Variants in SDK2 observed in about 807,000 individuals in gnomAD.
SDK2 encodes sidekick cell adhesion molecule 2, also known as protein sidekick-2.
A neutral mutation model predicts 253.9 loss-of-function variants in SDK2; 105 were observed. That is an observed-to-expected ratio of 0.41 (90% confidence interval 0.35 to 0.49). The LOEUF is 0.49. Ranked by LOEUF, SDK2 falls within the 20% of genes least tolerant of loss-of-function variation. SDK2 has a pLI of 0.06. For missense variants in SDK2, 2,608 were observed against 3,003.0 expected (o/e 0.87, Z 3.07); for synonymous variants, 1,249 against 1,234.9 (o/e 1.01, Z -0.24).
At chr17:73,533,500 G>T (rs1456441406) in intron 1 of SDK2, among the ~76,000 whole-genome samples, 1 of 152,220 alleles carries the variant, frequency 6.6e-6, no homozygotes, top group African/African-American at 2.4e-5. Context: ...AGGCCCTGAG[G>T]CCCTCTAGGG....
intron 1 of SDK2, among the ~76,000 whole-genome samples, chr17:73,585,665 C>T (rs539284921): frequency 6.6e-6 from 1 of 152,170 alleles, no homozygotes; most frequent in African/African-American, 2.4e-5. Context: ...TGACTACCCC[C>T]TACACTCAGA....
Position 73,431,539 on chromosome 17 carries a change from C to G in SDK2, c.1443G>C (p.Arg481=). 1 of 1,613,838 alleles carries G rather than the reference C, an allele frequency of 6.2e-7. No individual in the cohort carries two copies. The part of the protein sequence containing the change: ...GTYTCLATNS[R]GVDEASADLV... ...GGTCTGCTGAGGCCTCATCGACCCC[C>G]CGAGAGTTGGTGGCCAGGCAGGTGT... The change falls in exon 11 of 45, where the codon CGG becomes CGC. Residue 481 remains arginine, a synonymous_variant. Transcript: ENST00000392650. This position sits in a 1 kb window ranked among gnomAD's most constrained non-coding sequence, Gnocchi z 5.6.
At chr17:73,407,083 A>G (rs1599534333) in intron 18 of SDK2, among the ~76,000 whole-genome samples, 1 of 152,330 alleles carries the variant, frequency 6.6e-6, no homozygotes, top group East Asian at 1.9e-4. Flanking sequence ...TATCTATAGT[A>G]TCTTAAAAAA....
intron 32 of SDK2, among the ~76,000 whole-genome samples, chr17:73,385,452 G>T (rs1161278601): frequency 6.6e-6 from 1 of 152,150 alleles, no homozygotes; most frequent in Non-Finnish European, 1.5e-5. Context: ...GACTCTGGGG[G>T]CCCTGAGAGC....
chr17:73,379,494 A>T lies in SDK2; in HGVS notation c.4818T>A (p.Gly1606=). Residue 1606 remains glycine (G), a synonymous_variant, in exon 35 of 45, where the codon GGT becomes GGA. Coordinates refer to ENST00000392650, the MANE Select transcript of SDK2 (RefSeq NM_001144952.2). The surrounding 1 kb of genome is among the most constrained non-coding windows in gnomAD (Gnocchi z 4.5). ...CCTGCGGGGGGCTGGAGGGCCCCTCACCCACAGCGTTGTACACGCTCATCC... is the reference window on the plus strand; with the variant it reads ...CCTGCGGGGGGCTGGAGGGCCCCTCTCCCACAGCGTTGTACACGCTCATCC... ...EIRMSVYNAV[G]EGPSSPPQEV... is the part of the protein sequence containing the mutation. 1 of 1,610,442 alleles carries T rather than the reference A, an allele frequency of 6.2e-7. No individual in the cohort carries two copies. Among genetic ancestry groups the T allele is most frequent in the Non-Finnish European group, 8.5e-7 (1 of 1,178,824 alleles).
chr17:73,418,010 GTTTTTT>G (rs397689294), intron 16 of SDK2, among the ~76,000 whole-genome samples: 20 of 128,258 alleles, frequency 1.6e-4, no homozygotes, highest in Admixed American at 4.5e-4. Flanking sequence ...TCCTAGATGA[GTTTTTT>G]TTTTTTTTTT....
chr17:73,455,771 G>T lies in SDK2; in HGVS notation c.479+135C>A. ...AAGCCCCTGGGAGGTCCCCTACCTGGCTGTGTCCCACAGGAGCTGAAAGGG... is the reference window on the plus strand; with the variant it reads ...AAGCCCCTGGGAGGTCCCCTACCTGTCTGTGTCCCACAGGAGCTGAAAGGG... On this transcript the variant is annotated intron_variant, in intron 4 of 44. Coordinates refer to ENST00000392650, the MANE Select transcript of SDK2 (RefSeq NM_001144952.2). The surrounding 1 kb of genome is among the most constrained non-coding windows in gnomAD (Gnocchi z 5.0). The T allele has an allele frequency of 3.0e-6, 3 of 996,240 alleles. No homozygotes were observed. The highest frequency in any genetic ancestry group is 1.8e-5 in the South Asian group (1 of 54,130). The allele number at this position is 996,240 out of a possible 1,614,324, so 61.7% of individuals were successfully genotyped here.
At chr17:73,604,297 C>T (rs932361232) in intron 1 of SDK2, among the ~76,000 whole-genome samples, 1 of 152,224 alleles carries the variant, frequency 6.6e-6, no homozygotes, top group African/African-American at 2.4e-5. Context: ...CAGAGAGGAA[C>T]GCCCAGTCAG....
At chr17:73,463,086 G>A (rs564601873) in intron 3 of SDK2, among the ~76,000 whole-genome samples, 57 of 152,278 alleles carry the variant, frequency 3.7e-4, no homozygotes, top group African/African-American at 1.3e-3. Context: ...TGATAACGGA[G>A]ACTGAGGCCC....
chr17:73,392,272 CTT>C (rs35908922), intron 27 of SDK2, among the ~76,000 whole-genome samples: 104 of 140,950 alleles, frequency 7.4e-4, no homozygotes, highest in African/African-American at 1.6e-3. Flanking sequence ...GATTTCCAAA[CTT>C]TTTTTTTTTT....
At chr17:73,357,329 A>G (rs2062600247) in intron 40 of SDK2, 1 of 152,790 alleles carries the variant, frequency 6.5e-6, no homozygotes, top group African/African-American at 2.4e-5. Context: ...GCGTCCCATT[A>G]TGATTGTTAT....
intron 25 of SDK2, among the ~76,000 whole-genome samples, chr17:73,394,607 G>A (rs1468558977): frequency 6.6e-6 from 1 of 152,222 alleles, no homozygotes; most frequent in East Asian, 1.9e-4. Flanking sequence ...GCACAGCAGA[G>A]AGGGCTGGCA....
intron 1 of SDK2, among the ~76,000 whole-genome samples, chr17:73,567,403 G>A (rs754190036): frequency 9.2e-5 from 14 of 151,946 alleles, no homozygotes; most frequent in South Asian, 2.1e-4. Context: ...GCCACGGGGC[G>A]GAGCCCCCAC....
chr17:73,578,653 G>A (rs541838706), intron 1 of SDK2, among the ~76,000 whole-genome samples: 58 of 152,240 alleles, frequency 3.8e-4, no homozygotes, highest in African/African-American at 1.4e-3. Flanking sequence ...TGAAGGTCCC[G>A]GAGCCCTTGG....
Position 73,361,961 on chromosome 17 carries a change from C to T in SDK2, c.5306-116G>A. The T allele has an allele frequency of 5.1e-6, 5 of 974,850 alleles. No homozygotes were observed. The highest frequency in any genetic ancestry group is 5.9e-6 in the Non-Finnish European group (4 of 676,908). 60.4% of individuals were successfully genotyped at this position (974,850 alleles called of 1,614,324 possible). A position where few individuals can be genotyped will look rare whatever the true frequency, so the allele number is the denominator to read the frequency against. ...CCCGGGACCCTGGGTAGGGGCCTCACTCCTTGAGGTCAGGCTGAAATGCAC... is the reference window on the plus strand; with the variant it reads ...CCCGGGACCCTGGGTAGGGGCCTCATTCCTTGAGGTCAGGCTGAAATGCAC... On this transcript the variant is annotated intron_variant, in intron 38 of 44. Transcript: ENST00000392650. This position sits in a 1 kb window ranked among gnomAD's most constrained non-coding sequence, Gnocchi z 4.1.
At chr17:73,370,641 C>T (rs945279938) in intron 36 of SDK2, among the ~76,000 whole-genome samples, 3 of 152,042 alleles carry the variant, frequency 2.0e-5, no homozygotes, top group Non-Finnish European at 4.4e-5. Context: ...TCACTGTAAC[C>T]TTGACCTCCA....
intron 2 of SDK2, among the ~76,000 whole-genome samples, chr17:73,476,732 C>T (rs2063688705): frequency 6.6e-6 from 1 of 152,214 alleles, no homozygotes; most frequent in African/African-American, 2.4e-5. Flanking sequence ...ATCCTCCTGC[C>T]TCAACCTTCC....
At chr17:73,584,213 C>A (rs1339801433) in intron 1 of SDK2, among the ~76,000 whole-genome samples, 1 of 152,318 alleles carries the variant, frequency 6.6e-6, no homozygotes, top group Middle Eastern at 3.4e-3. Flanking sequence ...CGGGACCTCG[C>A]CTGCTCTGCA....
At chr17:73,397,893 T>G in intron 24 of SDK2, 142 bp downstream of exon 24, 1 of 960,766 alleles carries the variant, frequency 1.0e-6, no homozygotes, top group Non-Finnish European at 1.5e-6. Flanking sequence ...TTCGTTGGGC[T>G]AAGATGTTGA....
Sources: allele counts gnomAD v4.1 joint callset (sites outside exome capture counted in the v4.1 genomes callset), GRCh38; gene constraint gnomAD v4.1.1; non-coding constraint Gnocchi (gnomAD v3.1); transcripts MANE v1.5; gene names NCBI Gene and HGNC (gene_info 2026-07-23, HGNC 2026-07-21).